TEX11: variants seen among roughly 807,000 people sequenced by gnomAD.
The protein encoded by TEX11 is testis expressed 11.
A neutral mutation model predicts 84.4 loss-of-function variants in TEX11; 7 were observed. The ratio of observed to expected loss-of-function variants is 0.08; its 90% CI spans 0.05 to 0.16. The LOEUF (loss-of-function observed/expected upper bound fraction) is 0.16. Ranked by LOEUF, TEX11 falls within the 10% of genes least tolerant of loss-of-function variation. TEX11 has a pLI of 1.00. For synonymous variants in TEX11, 264 were observed against 222.8 expected (o/e 1.18, Z -1.64); for missense variants, 551 against 660.5 (o/e 0.83, Z 1.82).
chrX:70,828,553 G>T (rs1246719446), intron 8 of TEX11, among the ~76,000 whole-genome samples: 1 of 108,040 alleles, frequency 9.3e-6, no homozygotes, highest in East Asian at 2.9e-4. Context: ...GGAGACAAAA[G>T]AAAAAAAATA....
At chrX:70,841,338 G>C (rs1193377320) in intron 7 of TEX11, among the ~76,000 whole-genome samples, 1 of 110,801 alleles carries the variant, frequency 9.0e-6, no homozygotes, top group East Asian at 2.8e-4. Flanking sequence ...ACTCAAAACC[G>C]CTCAACTACA....
chrX:70,670,599 G>A, intron 15 of TEX11, 85 bp from the exon 16 acceptor site: 2 of 1,044,821 alleles, frequency 1.9e-6, no homozygotes, highest in Admixed American at 7.0e-5. Flanking sequence ...AATAAAAGAT[G>A]CTGTTGGTTT....
the TEX11 span, among the ~76,000 whole-genome samples, chrX:70,515,216 C>A: frequency 9.0e-6 from 1 of 111,444 alleles, no homozygotes; most frequent in Non-Finnish European, 1.9e-5. Flanking sequence ...TGCGCTGCAC[C>A]CATTAACTCG....
intron 28 of TEX11, among the ~76,000 whole-genome samples, chrX:70,544,802 G>A (rs1211278324): frequency 4.9e-5 from 4 of 81,790 alleles, no homozygotes; most frequent in African/African-American, 2.1e-4. Context: ...TTGTGCCTTC[G>A]CACTCCAGCG....
At chrX:70,698,055 C>T (rs1387576709) in intron 13 of TEX11, among the ~76,000 whole-genome samples, 1 of 110,058 alleles carries the variant, frequency 9.1e-6, no homozygotes, top group Non-Finnish European at 1.9e-5. Flanking sequence ...TTTATAAGTA[C>T]ATAGTATGTA....
Position 70,554,779 on chromosome X carries a change from C to A in TEX11, c.2162G>T (p.Cys721Phe). ...KQTGTFSNDS[C>F]EKLLLLYEFE... is the part of the protein sequence containing the mutation. ...CTCGTACAGCAGAAGCAATTTCTCA[C>A]ATGAATCATTTGAGAAGGTCCCTAA... The change falls in exon 26 of 30, where the codon TGT (cysteine) becomes TTT (phenylalanine). Residue 721 changes from cysteine (C) to phenylalanine (F), a missense_variant. Cys to Phe is a radical substitution (Grantham distance 205, BLOSUM62 -2). Coordinates refer to ENST00000374333, the MANE Select transcript of TEX11 (RefSeq NM_031276.3). 1 of 1,205,917 alleles carries A rather than the reference C, an allele frequency of 8.3e-7. No homozygotes were observed. The highest frequency in any genetic ancestry group is 3.0e-5 in the East Asian group (1 of 33,609).
chrX:70,623,920 G>T (rs1199512099), intron 20 of TEX11, 30 bp downstream of exon 20: 3 of 1,145,140 alleles, frequency 2.6e-6, no homozygotes, highest in Admixed American at 4.5e-5. Flanking sequence ...GTCTAATGGG[G>T]AATACATCAT....
At chrX:70,523,753 T>C in the TEX11 span, among the ~76,000 whole-genome samples, 3 of 103,061 alleles carry the variant, frequency 2.9e-5, no homozygotes, top group African/African-American at 1.1e-4. Context: ...GGTGAGCCAC[T>C]GCACCTGGCC....
intron 2 of TEX11, among the ~76,000 whole-genome samples, chrX:70,901,389 G>A (rs146384524): frequency 0.026 from 2,885 of 111,741 alleles, 54 homozygotes; most frequent in South Asian, 0.12. Context: ...ATACATTCCA[G>A]AAATGTGTAA....
intron 9 of TEX11, among the ~76,000 whole-genome samples, chrX:70,750,164 G>A (rs4844139): frequency 0.1 from 11,571 of 111,300 alleles, 725 homozygotes; most frequent in Admixed American, 0.25. Flanking sequence ...CAAAAGATAC[G>A]TGAAAAAATG....
the TEX11 span, among the ~76,000 whole-genome samples, chrX:70,517,323 T>C: frequency 2.7e-5 from 3 of 112,233 alleles, no homozygotes; most frequent in Non-Finnish European, 5.6e-5. Context: ...TGAGAGTTTT[T>C]AGCATGAAGG....
At chrX:70,898,544 T>C in intron 2 of TEX11, among the ~76,000 whole-genome samples, 1 of 111,646 alleles carries the variant, frequency 9.0e-6, no homozygotes, top group Admixed American at 9.6e-5. Context: ...TGGAAGACAC[T>C]GTATGGCATA....
chrX:70,714,824 A>G (rs2090480770), intron 13 of TEX11, among the ~76,000 whole-genome samples: 1 of 111,413 alleles, frequency 9.0e-6, no homozygotes, highest in South Asian at 3.8e-4. Context: ...TGTGAATTTG[A>G]CCCTGTCATT....
chrX:70,639,071 C>T (rs776818862), intron 17 of TEX11, among the ~76,000 whole-genome samples: 9 of 110,970 alleles, frequency 8.1e-5, no homozygotes, highest in Non-Finnish European at 1.3e-4. Context: ...GTGCGCTAGC[C>T]GAAGCAGGGC....
At chrX:70,868,940 CT>C (rs1277318145) in intron 4 of TEX11, among the ~76,000 whole-genome samples, 2 of 108,175 alleles carry the variant, frequency 1.8e-5, no homozygotes, top group East Asian at 5.7e-4. Context: ...GGCTTAAAAC[CT>C]AGATGACAGG....
intron 16 of TEX11, among the ~76,000 whole-genome samples, chrX:70,659,544 T>G (rs1205342376): frequency 9.0e-6 from 1 of 111,644 alleles, no homozygotes; most frequent in Non-Finnish European, 1.9e-5. Flanking sequence ...ATCAAAAAAC[T>G]TAAAAACAGT....
chrX:70,897,608 A>AAAGGAAGGAAGGAAGGAAGGAAGGAAGG (rs199764412), intron 2 of TEX11: 2 of 53,853 alleles, frequency 3.7e-5, no homozygotes, highest in African/African-American at 1.6e-4. Flanking sequence ...AAGAAAGAAA[A>AAAGGAAGGAAGGAAGGAAGGAAGGAAGG]AAGGAAGGAA....
Position 70,814,592 on chromosome X carries a change from T to C in TEX11, c.607-7802A>G, listed in dbSNP as rs188215162. ...ATATTTACACGTTATCTTTCAAATA[T>C]TTGGCTACAAAATGGTAAATTTAGG... On this transcript the variant is annotated intron_variant, in intron 8 of 29. Transcript: ENST00000374333. 2.7e-5 allele frequency among the ~76,000 whole-genome samples: 3 copies of C among 112,920 alleles called. No homozygotes were observed. In the East Asian group the frequency reaches 8.3e-4, roughly 31 times the overall value.
intron 25 of TEX11, among the ~76,000 whole-genome samples, chrX:70,563,614 A>G (rs1346776186): frequency 9.0e-6 from 1 of 111,427 alleles, no homozygotes; most frequent in African/African-American, 3.3e-5. Flanking sequence ...CATCAGTGAG[A>G]AAGTGTTCAT....
Sources: allele counts gnomAD v4.1 joint callset (sites outside exome capture counted in the v4.1 genomes callset), GRCh38; gene constraint gnomAD v4.1.1; transcripts MANE v1.5; gene names NCBI Gene and HGNC (gene_info 2026-07-23, HGNC 2026-07-21).